The following WIPF1 variants were observed in gnomAD, a reference collection of about 807,000 sequenced individuals.
WIPF1 encodes the protein WAS/WASL-interacting protein family member 1.
WIPF1 carries 13 observed loss-of-function variants against 35.4 expected under a neutral mutation model. That is an observed-to-expected ratio of 0.37 (90% CI 0.24 to 0.58). WIPF1 has a LOEUF of 0.58. Ranked by LOEUF, WIPF1 falls within the 20% of genes least tolerant of loss-of-function variation. The probability of loss-of-function intolerance (pLI) is 0.74; values close to 1 mark genes in which losing one functional copy is unlikely to be tolerated. For synonymous variants in WIPF1, 267 were observed against 266.3 expected (o/e 1.00, Z -0.02); for missense variants, 591 against 667.0 (o/e 0.89, Z 1.25).
chr2:174,650,644 T>C (rs535943356), intron 1 of WIPF1, among the ~76,000 whole-genome samples: 43 of 152,386 alleles, frequency 2.8e-4, no homozygotes, highest in African/African-American at 1.0e-3. Flanking sequence ...TATTAAACAG[T>C]ACATCTCCTG....
chr2:174,652,616 C>T (rs142445356), intron 1 of WIPF1, among the ~76,000 whole-genome samples: 2 of 152,024 alleles, frequency 1.3e-5, no homozygotes, highest in East Asian at 3.9e-4. Context: ...AGCTAGGAAC[C>T]TTAGGGGGAA....
At chr2:174,676,621 T>C (rs1219819555) in intron 1 of WIPF1, 3 of 152,126 alleles carry the variant, frequency 2.0e-5, no homozygotes, top group Non-Finnish European at 4.4e-5. Context: ...TAGACTTCTT[T>C]CTAGGTTTTA....
rs531896359 is a variant in WIPF1, at chr2:174,560,873, A to T, written c.*1674T>A. On this transcript the variant is annotated 3_prime_UTR_variant, in exon 8 of 8. Transcript: ENST00000679041. ...CTATAAATAGAAATGTATTTTTCAGAATTTTCTTTGGGTTGGTTTCTTGGT... is the reference window on the plus strand; with the variant it reads ...CTATAAATAGAAATGTATTTTTCAGTATTTTCTTTGGGTTGGTTTCTTGGT... 1.1e-4 allele frequency: 17 copies of T among 152,686 alleles called. No homozygotes were observed. The highest frequency in any genetic ancestry group is 2.2e-4 in the Non-Finnish European group (15 of 68,028). 9.5% of individuals were successfully genotyped at this position (152,686 alleles called of 1,614,324 possible).
At chr2:174,636,885 G>A (rs776302252) in intron 1 of WIPF1, among the ~76,000 whole-genome samples, 1 of 152,156 alleles carries the variant, frequency 6.6e-6, no homozygotes, top group Non-Finnish European at 1.5e-5. Context: ...AATACTGCTG[G>A]TGTTGCCCTT....
At chr2:174,583,215 A>G (rs2105835515) in intron 2 of WIPF1, among the ~76,000 whole-genome samples, 1 of 152,090 alleles carries the variant, frequency 6.6e-6, no homozygotes, top group Admixed American at 6.5e-5. Flanking sequence ...TGCTAATGGG[A>G]TTCTCCTCTA....
intron 1 of WIPF1, among the ~76,000 whole-genome samples, chr2:174,638,042 C>A (rs1312811542): frequency 2.6e-5 from 4 of 152,100 alleles, no homozygotes; most frequent in African/African-American, 9.6e-5. Flanking sequence ...TTTGTTTGGA[C>A]TAAGAGATGT....
At chr2:174,578,771 A>G (rs982133835) in intron 3 of WIPF1, among the ~76,000 whole-genome samples, 1 of 152,198 alleles carries the variant, frequency 6.6e-6, no homozygotes, top group Non-Finnish European at 1.5e-5. Context: ...AAATAATCTG[A>G]TAATAACTGA....
intron 1 of WIPF1, among the ~76,000 whole-genome samples, chr2:174,658,704 A>G (rs1687695724): frequency 1.3e-5 from 2 of 152,100 alleles, no homozygotes; most frequent in African/African-American, 4.8e-5. Flanking sequence ...GCTTAGAGAA[A>G]GTGCAGGGTT....
At chr2:174,647,331 T>G (rs1456511314) in intron 1 of WIPF1, among the ~76,000 whole-genome samples, 4 of 151,854 alleles carry the variant, frequency 2.6e-5, no homozygotes, top group African/African-American at 9.7e-5. Flanking sequence ...TGAACTATGA[T>G]TGCACCACTG....
Position 174,561,886 on chromosome 2 carries a change from C to CA in WIPF1, c.*660dup, listed in dbSNP as rs1364683738. 2.2e-5 allele frequency: 14 copies of CA among 646,574 alleles called. No homozygotes were observed. Among genetic ancestry groups the CA allele is most frequent in the Admixed American group, 1.2e-4 (4 of 32,838 alleles). The allele number at this position is 646,574 out of a possible 1,614,324, so 40.1% of individuals were successfully genotyped here. ...ACTCTGGATTTTGAAGATTCAGTAC[C>CA]AAAAAATAATATAAAATATCTCATT... On this transcript the variant is annotated 3_prime_UTR_variant, in exon 8 of 8. Transcript: ENST00000679041.
chr2:174,583,054 G>T (rs532875809), intron 2 of WIPF1, among the ~76,000 whole-genome samples: 1 of 152,274 alleles, frequency 6.6e-6, no homozygotes, highest in Middle Eastern at 3.4e-3. Flanking sequence ...AACCCTGGCA[G>T]TCAAGAGCCT....
chr2:174,675,838 G>C lies in WIPF1; in HGVS notation c.-39+6936C>G, dbSNP rs576587431. Among the ~76,000 whole-genome samples the C allele has an allele frequency of 2.7e-3, 404 of 148,574 alleles. 7 individuals carry two copies. Among genetic ancestry groups the C allele is most frequent in the Non-Finnish European group, 2.1e-3 (138 of 67,246 alleles). ...CTCTGTGTGTGGGGTGGAGGCGGGG[G>C]TGTGAGGGGAGGAGTGGGAGGGTGG... On this transcript the variant is annotated intron_variant, in intron 1 of 8. Transcript: ENST00000272746.
At chr2:174,565,923 G>A (rs62173702) in intron 7 of WIPF1, among the ~76,000 whole-genome samples, 38,052 of 151,582 alleles carry the variant, frequency 0.25, 5,788 homozygotes, top group Non-Finnish European at 0.34. Flanking sequence ...TCGCTCTGTC[G>A]CCCAGGCTGG....
At chr2:174,672,738 T>C (rs1688046921) in intron 1 of WIPF1, among the ~76,000 whole-genome samples, 1 of 152,214 alleles carries the variant, frequency 6.6e-6, no homozygotes, top group African/African-American at 2.4e-5. Flanking sequence ...CACCATCTTC[T>C]CCCTGTTCCT....
At chr2:174,587,132 G>A (rs910199361) in intron 1 of WIPF1, among the ~76,000 whole-genome samples, 2 of 151,982 alleles carry the variant, frequency 1.3e-5, no homozygotes, top group Admixed American at 6.6e-5. Flanking sequence ...TCACTCCTGA[G>A]TAGCTTAGCT....
intron 1 of WIPF1, among the ~76,000 whole-genome samples, chr2:174,610,319 CTT>C (rs923130430): frequency 4.6e-5 from 7 of 152,164 alleles, no homozygotes; most frequent in African/African-American, 1.7e-4. Context: ...CGTGTTGACT[CTT>C]TTCCCCACAA....
At chr2:174,612,177 G>T (rs1574835006) in intron 1 of WIPF1, among the ~76,000 whole-genome samples, 1 of 152,156 alleles carries the variant, frequency 6.6e-6, no homozygotes, top group African/African-American at 2.4e-5. Flanking sequence ...GATTATAGGT[G>T]TGTGCCACCA....
intron 7 of WIPF1, among the ~76,000 whole-genome samples, chr2:174,564,815 G>GCGCACACA (rs1384559403): frequency 3.5e-5 from 5 of 143,414 alleles, no homozygotes; most frequent in East Asian, 2.1e-4. Context: ...TTCTTCTGGT[G>GCGCACACA]CACACACACA....
intron 2 of WIPF1, among the ~76,000 whole-genome samples, chr2:174,582,843 G>A (rs1298231787): frequency 6.6e-6 from 1 of 152,114 alleles, no homozygotes; most frequent in Non-Finnish European, 1.5e-5. Flanking sequence ...AAATGATGAA[G>A]TATTACTTGC....
Sources: gnomAD v4.1 joint callset for allele counts (sites outside exome capture counted in the v4.1 genomes callset) on GRCh38, gnomAD v4.1.1 for gene constraint, MANE v1.5 for transcripts, NCBI Gene and HGNC (gene_info 2026-07-23, HGNC 2026-07-21) for gene names.